SCN9A: variants seen among roughly 807,000 people sequenced by gnomAD.
The protein encoded by SCN9A is sodium voltage-gated channel alpha subunit 9, also known as sodium channel protein type 9 subunit alpha.
A neutral mutation model predicts 187.0 loss-of-function variants in SCN9A; 131 were observed. That is an observed-to-expected ratio of 0.70 (90% confidence interval 0.61 to 0.81). The LOEUF is 0.81. Among genes scored for constraint, SCN9A ranks in the 30% least tolerant of loss-of-function variants. The probability of loss-of-function intolerance (pLI) is 0.00; values close to 1 mark genes in which losing one functional copy is unlikely to be tolerated. For synonymous variants in SCN9A, 809 were observed against 808.6 expected (o/e 1.00, Z -0.01); for missense variants, 2,252 against 2,396.6 (o/e 0.94, Z 1.26).
chr2:166,291,450 C>G lies in SCN9A; in HGVS notation c.1107+1781G>C, dbSNP rs1698066233. Among the ~76,000 whole-genome samples, 3 of 152,252 alleles carry G rather than the reference C, an allele frequency of 2.0e-5. 1 individual carries two copies. In the South Asian group the frequency reaches 6.2e-4, roughly 32 times the overall value. The stretch of plus-strand genomic sequence containing the variant: ...GGACACAAACAAATGGAAAAACATT[C>G]CATACTCATGGATAGGAAGAATCAA... On this transcript the variant is annotated intron_variant, in intron 9 of 26. Coordinates refer to ENST00000642356, the MANE Select transcript of SCN9A (RefSeq NM_001365536.1).
chr2:166,238,041 A>C (rs766623558), intron 20 of SCN9A, 53 bp downstream of exon 20: 65 of 1,371,928 alleles, frequency 4.7e-5, no homozygotes, highest in Non-Finnish European at 6.6e-5. Context: ...AGGTTTTTTC[A>C]CAACACACAG....
intron 26 of SCN9A, 133 bp from the exon 27 acceptor site, chr2:166,199,997 T>TTTTTG (rs1693420575): frequency 5.6e-6 from 3 of 540,042 alleles, no homozygotes; most frequent in East Asian, 9.1e-5. Flanking sequence ...TTTTTTTTTT[T>TTTTTG]TTTTTTTTTT....
intron 1 of SCN9A, among the ~76,000 whole-genome samples, chr2:166,354,460 G>A (rs766453651): frequency 6.6e-6 from 1 of 151,888 alleles, no homozygotes; most frequent in Non-Finnish European, 1.5e-5. Flanking sequence ...CTCTAATTTG[G>A]GATTACACAA....
intron 1 of SCN9A, among the ~76,000 whole-genome samples, chr2:166,374,517 A>T (rs1302407028): frequency 6.6e-6 from 1 of 152,208 alleles, no homozygotes; most frequent in Non-Finnish European, 1.5e-5. Context: ...AGAAAAAATT[A>T]TAAACTTTTT....
At chr2:166,343,674 G>A (rs968743421) in intron 1 of SCN9A, among the ~76,000 whole-genome samples, 1 of 152,018 alleles carries the variant, frequency 6.6e-6, no homozygotes, top group Non-Finnish European at 1.5e-5. Flanking sequence ...CGAGGGGAGT[G>A]GATCTCAGCT....
At chr2:166,274,235 TAA>T (rs1697129236) in intron 16 of SCN9A, among the ~76,000 whole-genome samples, 1 of 152,140 alleles carries the variant, frequency 6.6e-6, no homozygotes, top group East Asian at 1.9e-4. Flanking sequence ...TCAAAAATCA[TAA>T]GTCTCTAATA....
In SCN9A at chr2:166,283,298, C is replaced by T. The variant is rs1181536239; in HGVS notation, c.1974+1155G>A. 3.3e-5 allele frequency among the ~76,000 whole-genome samples: 5 copies of T among 152,268 alleles called. No homozygotes were observed. In the South Asian group the frequency reaches 8.3e-4, roughly 25 times the overall value. On this transcript the variant is annotated intron_variant, in intron 12 of 26. Coordinates refer to ENST00000642356, the MANE Select transcript of SCN9A (RefSeq NM_001365536.1). ...AAGGGCTTAAGCTGTATCATGCACA[C>T]ATAGAGGTCACATGTTACCTAAAAG...
chr2:166,298,950 T>G (rs1698435313), intron 7 of SCN9A: 2 of 152,238 alleles, frequency 1.3e-5, no homozygotes, highest in South Asian at 4.1e-4. Context: ...TAGAATTTTC[T>G]CTTCCTCATT....
intron 1 of SCN9A, among the ~76,000 whole-genome samples, chr2:166,371,339 G>A (rs994961239): frequency 1.3e-5 from 2 of 152,174 alleles, no homozygotes; most frequent in African/African-American, 2.4e-5. Flanking sequence ...CACTGTTCAA[G>A]GCATTCCCCT....
chr2:166,207,050 A>G (rs1693841236), intron 24 of SCN9A, among the ~76,000 whole-genome samples: 1 of 152,332 alleles, frequency 6.6e-6, no homozygotes, highest in African/African-American at 2.4e-5. Context: ...GGGGGCTAGA[A>G]GCTTCAGTTG....
intron 24 of SCN9A, among the ~76,000 whole-genome samples, chr2:166,210,150 C>T (rs1214861469): frequency 6.6e-6 from 1 of 152,126 alleles, no homozygotes; most frequent in South Asian, 2.1e-4. Context: ...AGCTCAAGTC[C>T]TTTGCAGGGA....
intron 17 of SCN9A, 99 bp downstream of exon 17, chr2:166,272,300 G>T: frequency 2.6e-6 from 2 of 781,462 alleles, no homozygotes; most frequent in Non-Finnish European, 4.0e-6. Flanking sequence ...ATCACTACAT[G>T]CAATGTTAAG....
At chr2:166,310,735 T>A (rs1359362202) in intron 2 of SCN9A, among the ~76,000 whole-genome samples, 4 of 123,488 alleles carry the variant, frequency 3.2e-5, no homozygotes, top group African/African-American at 1.4e-4. Context: ...GACCCAGCCA[T>A]CCCATTACTG....
chr2:166,278,100 T>C, intron 15 of SCN9A, 40 bp downstream of exon 15: 2 of 1,535,022 alleles, frequency 1.3e-6, no homozygotes, highest in Non-Finnish European at 1.8e-6. Context: ...GAAATACCCC[T>C]TTATTATAGA....
chr2:166,302,357 T>C (rs989279004), intron 7 of SCN9A: 23 of 152,204 alleles, frequency 1.5e-4, no homozygotes, highest in African/African-American at 4.3e-4. Flanking sequence ...GAAACTCTAA[T>C]TGATACTTCT....
intron 26 of SCN9A, among the ~76,000 whole-genome samples, chr2:166,200,409 G>A (rs567435803): frequency 2.0e-5 from 3 of 151,992 alleles, no homozygotes; most frequent in Non-Finnish European, 4.4e-5. Flanking sequence ...AAGTTCATGG[G>A]CCATTTTTTC....
chr2:166,279,641 G>A (rs1321808493), intron 14 of SCN9A, among the ~76,000 whole-genome samples: 1 of 152,030 alleles, frequency 6.6e-6, no homozygotes, highest in Admixed American at 6.6e-5. Flanking sequence ...CAAAATAGTT[G>A]TTTTTAAAGC....
intron 21 of SCN9A, among the ~76,000 whole-genome samples, chr2:166,229,535 T>C (rs937700393): frequency 2.0e-5 from 3 of 152,060 alleles, no homozygotes; most frequent in Non-Finnish European, 4.4e-5. Context: ...TCTTATTCTC[T>C]TTTTTTGAGA....
chr2:166,337,847 G>A (rs1162132096), intron 1 of SCN9A, among the ~76,000 whole-genome samples: 1 of 151,970 alleles, frequency 6.6e-6, no homozygotes, highest in Admixed American at 6.6e-5. Flanking sequence ...ATTTAAATGA[G>A]TTAATGCATA....
Sources: allele counts gnomAD v4.1 joint callset (sites outside exome capture counted in the v4.1 genomes callset), GRCh38; gene constraint gnomAD v4.1.1; transcripts MANE v1.5; gene names NCBI Gene and HGNC (gene_info 2026-07-23, HGNC 2026-07-21).